The following PPP1R16B variants were observed in gnomAD, a reference collection of about 807,000 sequenced individuals.
The protein encoded by PPP1R16B is protein phosphatase 1 regulatory inhibitor subunit 16B.
A neutral mutation model predicts 61.7 loss-of-function variants in PPP1R16B; 14 were observed. The observed-to-expected ratio is 0.23, with a 90% CI of 0.15 to 0.35. The LOEUF is 0.35. Among genes scored for constraint, PPP1R16B ranks in the 10% least tolerant of loss-of-function variants. PPP1R16B has a pLI of 1.00. For synonymous variants in PPP1R16B, 266 were observed against 305.3 expected (o/e 0.87, Z 1.34); for missense variants, 547 against 752.5 (o/e 0.73, Z 3.19).
At chr20:38,856,207 G>A (rs183806570) in intron 2 of PPP1R16B, among the ~76,000 whole-genome samples, 2 of 152,024 alleles carry the variant, frequency 1.3e-5, no homozygotes, top group African/African-American at 2.4e-5. Context: ...GGAGTAGCCA[G>A]GCAATAAGGC....
chr20:38,860,812 G>C (rs1025953862), intron 2 of PPP1R16B, among the ~76,000 whole-genome samples: 1 of 152,196 alleles, frequency 6.6e-6, no homozygotes, highest in Non-Finnish European at 1.5e-5. Context: ...TGAGTAAGGT[G>C]GAAGAAATTT....
At chr20:38,850,638 C>T (rs915664157) in intron 2 of PPP1R16B, among the ~76,000 whole-genome samples, 13 of 152,130 alleles carry the variant, frequency 8.5e-5, no homozygotes, top group Non-Finnish European at 1.9e-4. Context: ...GACTTAGAAA[C>T]ACAGTCATAG....
chr20:38,860,673 G>T (rs1244253913), intron 2 of PPP1R16B, among the ~76,000 whole-genome samples: 2 of 152,176 alleles, frequency 1.3e-5, no homozygotes, highest in African/African-American at 4.8e-5. Flanking sequence ...ACAGCATCTA[G>T]CTTTGTGCCC....
chr20:38,848,838 T>C (rs937189672), intron 2 of PPP1R16B, among the ~76,000 whole-genome samples: 1 of 152,094 alleles, frequency 6.6e-6, no homozygotes, highest in African/African-American at 2.4e-5. Flanking sequence ...AGGGAGGAGA[T>C]CAGGAAAAAT....
chr20:38,861,721 G>C (rs1053287928), intron 2 of PPP1R16B, among the ~76,000 whole-genome samples: 4 of 141,696 alleles, frequency 2.8e-5, no homozygotes, highest in African/African-American at 1.1e-4. Flanking sequence ...CTGTCGCCCA[G>C]ACTAGAGTGC....
intron 10 of PPP1R16B, among the ~76,000 whole-genome samples, chr20:38,908,715 C>A (rs1272932110): frequency 6.6e-6 from 1 of 152,224 alleles, no homozygotes. Context: ...AAGCTTTAAG[C>A]TGCTTTCATT....
At chr20:38,909,301 G>GT (rs1204728300) in intron 10 of PPP1R16B, among the ~76,000 whole-genome samples, 3 of 152,190 alleles carry the variant, frequency 2.0e-5, no homozygotes, top group Non-Finnish European at 2.9e-5. Context: ...TACCTAGCCT[G>GT]TTTTTTCCTC....
At chr20:38,864,738 A>G (rs2085078490) in intron 2 of PPP1R16B, among the ~76,000 whole-genome samples, 1 of 152,206 alleles carries the variant, frequency 6.6e-6, no homozygotes, top group African/African-American at 2.4e-5. Flanking sequence ...GGGATCTGCC[A>G]GGACTTGGGT....
At chr20:38,864,872 C>T (rs1601269757) in intron 2 of PPP1R16B, among the ~76,000 whole-genome samples, 1 of 152,178 alleles carries the variant, frequency 6.6e-6, no homozygotes, top group Non-Finnish European at 1.5e-5. Context: ...AGTGCCTGGC[C>T]CCTCCTGGAG....
At chr20:38,831,344 G>T (rs1279300417) in intron 1 of PPP1R16B, among the ~76,000 whole-genome samples, 1 of 152,242 alleles carries the variant, frequency 6.6e-6, no homozygotes, top group African/African-American at 2.4e-5. Flanking sequence ...GAACCTGGCT[G>T]CCGTGGGCTG....
At chr20:38,885,920 C>T (rs771101814) in intron 2 of PPP1R16B, among the ~76,000 whole-genome samples, 2 of 152,106 alleles carry the variant, frequency 1.3e-5, no homozygotes, top group African/African-American at 4.8e-5. Flanking sequence ...GGATTACAGG[C>T]GTGCGCCACC....
intron 2 of PPP1R16B, among the ~76,000 whole-genome samples, chr20:38,855,524 C>T (rs1006554870): frequency 2.0e-5 from 3 of 152,076 alleles, no homozygotes; most frequent in African/African-American, 4.8e-5. Context: ...TTGCTGCCCA[C>T]GGACGCCGAA....
chr20:38,875,805 G>A (rs774929123), intron 2 of PPP1R16B, among the ~76,000 whole-genome samples: 3 of 151,770 alleles, frequency 2.0e-5, no homozygotes, highest in Non-Finnish European at 4.4e-5. Context: ...GGGGAGGTTC[G>A]TGCACCTTTC....
chr20:38,886,270 A>G (rs1317294671), intron 2 of PPP1R16B, among the ~76,000 whole-genome samples: 1 of 152,124 alleles, frequency 6.6e-6, no homozygotes, highest in African/African-American at 2.4e-5. Flanking sequence ...AGAGATGGGA[A>G]TCATTTGTCC....
chr20:38,884,898 C>T (rs916958324), intron 2 of PPP1R16B, among the ~76,000 whole-genome samples: 3 of 151,664 alleles, frequency 2.0e-5, no homozygotes, highest in African/African-American at 4.8e-5. Flanking sequence ...GGTGAAACCC[C>T]GTCTCTACTA....
At chr20:38,904,971 G>A (rs2085427456) in intron 6 of PPP1R16B, among the ~76,000 whole-genome samples, 1 of 152,196 alleles carries the variant, frequency 6.6e-6, no homozygotes, top group South Asian at 2.1e-4. Context: ...CTTACTGAGT[G>A]TTCATTATGG....
In PPP1R16B at chr20:38,806,800, C is replaced by T. The variant is rs2084665125; in HGVS notation, c.-102+1008C>T. On this transcript the variant is annotated intron_variant, in intron 1 of 10. Coordinates refer to ENST00000299824, the MANE Select transcript of PPP1R16B (RefSeq NM_015568.4). The surrounding 1 kb of genome is among the most constrained non-coding windows in gnomAD (Gnocchi z 4.5). ...TGGAGGATAATTGAGCCTGGGAGAG[C>T]TTTGAATCTGGCCCTCCTGAGACCC... Among the ~76,000 whole-genome samples the T allele has an allele frequency of 1.3e-5, 2 of 152,210 alleles. No individual in the cohort carries two copies. Among genetic ancestry groups the T allele is most frequent in the East Asian group, 1.9e-4 (1 of 5,152 alleles).
Position 38,899,138 on chromosome 20 carries a change from A to G in PPP1R16B, c.468-1443A>G, listed in dbSNP as rs115694654. Among the ~76,000 whole-genome samples, 1,206 of 152,316 alleles carry G rather than the reference A, an allele frequency of 7.9e-3. 11 individuals are homozygous for G. The highest frequency in any genetic ancestry group is 0.028 in the African/African-American group (1,154 of 41,568). ...GTTGGCTCCCGGGGGGATGGATATG[A>G]CAGTACTGCTGCCCCAGCTCAGAGA... On this transcript the variant is annotated intron_variant, in intron 4 of 10. Transcript: ENST00000299824.
chr20:38,858,331 G>A (rs1235064467), intron 2 of PPP1R16B, among the ~76,000 whole-genome samples: 1 of 152,066 alleles, frequency 6.6e-6, no homozygotes, highest in Non-Finnish European at 1.5e-5. Context: ...AAACTGATGG[G>A]GGAATTCTCT....
Sources: gnomAD v4.1 joint callset for allele counts (sites outside exome capture counted in the v4.1 genomes callset) on GRCh38, gnomAD v4.1.1 for gene constraint, Gnocchi (gnomAD v3.1) non-coding constraint, MANE v1.5 for transcripts, NCBI Gene and HGNC (gene_info 2026-07-23, HGNC 2026-07-21) for gene names.